Variants in SHOX observed in about 807,000 individuals in gnomAD.
SHOX encodes the protein short stature homeobox protein.
SHOX carries 12 observed loss-of-function variants against 29.6 expected under a neutral mutation model. The ratio of observed to expected loss-of-function variants is 0.41; its 90% CI spans 0.26 to 0.66. The LOEUF is 0.66. Ranked by LOEUF, SHOX falls within the 30% of genes least tolerant of loss-of-function variation. The probability of loss-of-function intolerance (pLI) is 0.35; values close to 1 mark genes in which losing one functional copy is unlikely to be tolerated. For synonymous variants in SHOX, 214 were observed against 200.6 expected, an observed-to-expected ratio of 1.07 and a Z score of -0.57; for missense variants, 499 against 437.7, an observed-to-expected ratio of 1.14 and a Z score of -1.25.
chrX:630,915 T>G lies in SHOX; in HGVS notation c.18T>G (p.Ala6=). 1.9e-6 allele frequency: 3 copies of G among 1,613,564 alleles called. No individual in the cohort carries two copies. MEELT[A]FVSKSFDQKS... ...CCCCAGCCATGGAAGAGCTCACGGC[T>G]TTTGTATCCAAGTCTTTTGACCAGA... Residue 6 remains alanine (A), a synonymous_variant, in exon 1 of 5, where the codon GCT becomes GCG. Transcript: ENST00000686671.
In SHOX at chrX:630,826, G is replaced by T. The variant is rs771765853; in HGVS notation, c.-72G>T. 1.2e-5 allele frequency: 19 copies of T among 1,577,430 alleles called. No individual in the cohort carries two copies. The South Asian group carries it at 1.8e-4, about 15-fold the overall frequency. ...GCGCTGGTGATCCACCCGCGCGCAC[G>T]GGCCGTCCTCTCCGCGCGGGGAGAC... On this transcript the variant is annotated 5_prime_UTR_variant, in exon 1 of 5. Coordinates refer to ENST00000686671, the MANE Select transcript of SHOX (RefSeq NM_000451.4).
upstream of SHOX, chrX:630,736 TG>T: frequency 2.3e-6 from 2 of 865,382 alleles, no homozygotes; most frequent in Non-Finnish European, 3.7e-6. Context: ...AGGCAGCGCA[TG>T]GGGGGCTGGG....
At chrX:631,902 G>A (rs774809117) in intron 1 of SHOX, 2 of 455,942 alleles carry the variant, frequency 4.4e-6, no homozygotes, top group Non-Finnish European at 8.8e-6. Context: ...TCACCCAGAC[G>A]CACAGAGGAG....
At position 650,492 on chromosome X, in the gene SHOX, C is replaced by T. The variant is rs1481002163; in HGVS notation, c.*5856C>T. ...GCTGGGCGTTTAACCGAAATGAAGC[C>T]GAGACGGGTTTCAGGTTTTGGTGCC... On this transcript the variant is annotated 3_prime_UTR_variant, in exon 5 of 5. Transcript: ENST00000686671. Among the ~76,000 whole-genome samples the T allele has an allele frequency of 3.3e-5, 5 of 152,096 alleles. No individual in the cohort carries two copies. Among genetic ancestry groups the T allele is most frequent in the South Asian group, 4.2e-4 (2 of 4,806 alleles).
At chrX:625,580 C>T (rs2052510805) in intron 1 of SHOX, among the ~76,000 whole-genome samples, 2 of 150,498 alleles carry the variant, frequency 1.3e-5, no homozygotes, top group African/African-American at 2.5e-5. Flanking sequence ...CTGTCCATCT[C>T]TGTCTCTCTT....
In SHOX at chrX:630,957, CGGCGGA is replaced by C. The variant is rs747349135; in HGVS notation, c.72_77del (p.Gly27_Gly28del). 1.7e-4 allele frequency: 279 copies of C among 1,613,694 alleles called. 1 individual carries two copies. The highest frequency in any genetic ancestry group is 2.2e-4 in the Non-Finnish European group (259 of 1,179,866). On this transcript the variant is annotated inframe_deletion, in exon 1 of 5. Coordinates refer to ENST00000686671, the MANE Select transcript of SHOX (RefSeq NM_000451.4). Reference sequence around the variant, plus strand: ...TTGACCAGAAAAGCAAGGACGGTAACGGCGGAGGCGGAGGCGGCGGAGGTAAGAAGG... The same window carrying C: ...TTGACCAGAAAAGCAAGGACGGTAACGGCGGAGGCGGCGGAGGTAAGAAGG...
At position 639,115 on chromosome X, in the gene SHOX, G is replaced by A. The variant is rs775105076; in HGVS notation, c.487-1706G>A. On this transcript the variant is annotated intron_variant, in intron 2 of 4. Transcript: ENST00000686671. ...AGCAGAGGAGGCTCGTAGGAGGTGA[G>A]AGGGGGTGGAATTTGCATGCAAATC... Among the ~76,000 whole-genome samples, 795 of 152,318 alleles carry A rather than the reference G, an allele frequency of 5.2e-3. 5 individuals carry two copies. Among genetic ancestry groups the A allele is most frequent in the Non-Finnish European group, 8.7e-3 (591 of 68,020 alleles).
Position 648,714 on chromosome X carries a change from C to T in SHOX, c.*4078C>T, listed in dbSNP as rs555214271. ...GACACTGGCTGCCTTTGGCTTTTCT[C>T]CTGCGAGAGAAGTTGGGTGACTTTC... On this transcript the variant is annotated 3_prime_UTR_variant, in exon 5 of 5. Transcript: ENST00000686671. 2.0e-5 allele frequency among the ~76,000 whole-genome samples: 3 copies of T among 152,142 alleles called. No individual in the cohort carries two copies. Among genetic ancestry groups the T allele is most frequent in the Non-Finnish European group, 4.4e-5 (3 of 68,032 alleles).
intron 4 of SHOX, among the ~76,000 whole-genome samples, chrX:643,603 C>CCTGGTGTCCCGGGAGAGGCTTGGGGAG (rs1569495073): frequency 5.2e-5 from 7 of 133,458 alleles, no homozygotes; most frequent in African/African-American, 2.2e-4. Context: ...GGCTTGGGGA[C>CCTGGTGTCCCGGGAGAGGCTTGGGGAG]CTGGTGTCCT....
intron 1 of SHOX, among the ~76,000 whole-genome samples, chrX:634,136 G>C (rs983063682): frequency 6.6e-6 from 1 of 152,196 alleles, no homozygotes; most frequent in African/African-American, 2.4e-5. Flanking sequence ...AGCTCCGCCA[G>C]ATCGCGGAGG....
At chrX:625,564 G>A (rs1351786758) in intron 1 of SHOX, among the ~76,000 whole-genome samples, 1 of 148,060 alleles carries the variant, frequency 6.8e-6, no homozygotes, top group South Asian at 2.2e-4. Flanking sequence ...CTGTCTCTCT[G>A]TATCTCTGTC....
chrX:641,131 G>T lies in SHOX; in HGVS notation c.633+44G>T. ...CTCTGAAGATCCCTAGGGACCTGCTGCTCCCTTCCCCTTTCCCCTATTTGC... is the reference window on the plus strand; with the variant it reads ...CTCTGAAGATCCCTAGGGACCTGCTTCTCCCTTCCCCTTTCCCCTATTTGC... On this transcript the variant is annotated intron_variant, in intron 4 of 4. Transcript: ENST00000686671. 3 of 1,572,042 alleles carry T rather than the reference G, an allele frequency of 1.9e-6. No individual in the cohort carries two copies. In the South Asian group the frequency reaches 3.3e-5, roughly 17 times the overall value.
chrX:649,022 TTTCTTTCTTTCTTTTTCTTTC>T lies in SHOX; in HGVS notation c.*4400_*4420del, dbSNP rs773148476. On this transcript the variant is annotated 3_prime_UTR_variant, in exon 5 of 5. Transcript: ENST00000686671. ...TTCCTTTTTTGTTTCTTTCTTTCTTTTTCTTTCTTTCTTTTTCTTTCTTCTTTCTTTCTTCGATGAAGTCTC... is the reference window on the plus strand; with the variant it reads ...TTCCTTTTTTGTTTCTTTCTTTCTTTTTCTTTCTTTCTTCGATGAAGTCTC... 0.29 allele frequency among the ~76,000 whole-genome samples: 41,047 copies of T among 139,906 alleles called. 6,001 individuals carry two copies. The highest frequency in any genetic ancestry group is 0.34 in the Non-Finnish European group (22,670 of 66,432). The allele number at this position is 139,906 out of a possible 152,430, so 91.8% of individuals were successfully genotyped here. A position where few individuals can be genotyped will look rare whatever the true frequency, so the allele number is the denominator to read the frequency against.
At position 648,228 on chromosome X, in the gene SHOX, C is replaced by T. The variant is rs2052989819; in HGVS notation, c.*3592C>T. ...GGCACCTGCCACCAGGCCTGGGTAA[C>T]TTTCTGGTATTTTTAGTACAGACAG... is the stretch of plus-strand genomic sequence containing the variant. On this transcript the variant is annotated 3_prime_UTR_variant, in exon 5 of 5. Transcript: ENST00000686671. Among the ~76,000 whole-genome samples the T allele has an allele frequency of 8.5e-6, 1 of 118,326 alleles. No homozygotes were observed. Among genetic ancestry groups the T allele is most frequent in the South Asian group, 3.3e-4 (1 of 3,040 alleles). 77.6% of individuals were successfully genotyped at this position (118,326 alleles called of 152,430 possible).
upstream of SHOX, among the ~76,000 whole-genome samples, chrX:626,716 CTG>C (rs2052545000): frequency 7.1e-6 from 1 of 141,056 alleles, no homozygotes; most frequent in African/African-American, 2.6e-5. Context: ...TCATCTCTCT[CTG>C]TCTCTTTTTC....
chrX:627,940 C>A (rs2052567830), upstream of SHOX, among the ~76,000 whole-genome samples: 1 of 152,112 alleles, frequency 6.6e-6, no homozygotes, highest in Non-Finnish European at 1.5e-5. Flanking sequence ...GACCCAGTTT[C>A]CCAGCAGAGG....
intron 4 of SHOX, among the ~76,000 whole-genome samples, chrX:641,941 G>A (rs1824026462): frequency 6.6e-6 from 1 of 152,100 alleles, no homozygotes; most frequent in African/African-American, 2.4e-5. Flanking sequence ...CCTGGCCCCT[G>A]GCCCCTGGCT....
chrX:638,175 T>C (rs1247142939), intron 2 of SHOX, among the ~76,000 whole-genome samples: 1 of 152,204 alleles, frequency 6.6e-6, no homozygotes, highest in African/African-American at 2.4e-5. Flanking sequence ...TCGGGCCTAA[T>C]TGGAATGGAT....
intron 2 of SHOX, among the ~76,000 whole-genome samples, chrX:637,208 G>A (rs1046685657): frequency 6.6e-6 from 1 of 151,806 alleles, no homozygotes; most frequent in Non-Finnish European, 1.5e-5. Flanking sequence ...GGGTTTCCTC[G>A]CTGTCCACCC....
Sources: allele counts gnomAD v4.1 joint callset (sites outside exome capture counted in the v4.1 genomes callset), GRCh38; gene constraint gnomAD v4.1.1; transcripts MANE v1.5; gene names NCBI Gene and HGNC (gene_info 2026-07-23, HGNC 2026-07-21).